The following PRKN variants were observed in gnomAD, a reference collection of about 807,000 sequenced individuals.
PRKN encodes E3 ubiquitin-protein ligase parkin.
In PRKN, 56 loss-of-function variants were observed where a neutral mutation model predicts 59.5. That is an observed-to-expected ratio of 0.94 (90% CI 0.76 to 1.18). PRKN has a LOEUF of 1.18. Ranked by LOEUF, PRKN falls within the 50% of genes most tolerant of loss-of-function variation. PRKN has a pLI of 0.00. For synonymous variants in PRKN, 250 were observed against 222.1 expected (o/e 1.13, Z -1.12); for missense variants, 657 against 596.4 (o/e 1.10, Z -1.06).
chr6:162,212,627 A>C (rs1166373618), intron 3 of PRKN, among the ~76,000 whole-genome samples: 1 of 152,210 alleles, frequency 6.6e-6, no homozygotes. Flanking sequence ...AAATCTAAAC[A>C]TGCTTATATA....
At chr6:162,349,155 A>G (rs1377123484) in intron 2 of PRKN, among the ~76,000 whole-genome samples, 2 of 152,184 alleles carry the variant, frequency 1.3e-5, no homozygotes, top group African/African-American at 4.8e-5. Context: ...AATCTACACA[A>G]ACTTTAGCAG....
intron 9 of PRKN, among the ~76,000 whole-genome samples, chr6:161,412,243 C>T (rs972491799): frequency 2.0e-5 from 3 of 150,226 alleles, no homozygotes; most frequent in African/African-American, 7.4e-5. Flanking sequence ...CTCATTCCTC[C>T]ACTCACTCAT....
chr6:161,820,552 TA>T (rs538459469), intron 6 of PRKN, among the ~76,000 whole-genome samples: 10 of 147,398 alleles, frequency 6.8e-5, no homozygotes, highest in South Asian at 2.1e-4. Flanking sequence ...ATTTACTTTA[TA>T]AAAAATTACA....
intron 4 of PRKN, among the ~76,000 whole-genome samples, chr6:162,074,530 G>T (rs912996993): frequency 6.6e-6 from 1 of 151,762 alleles, no homozygotes; most frequent in Non-Finnish European, 1.5e-5. Context: ...CCTAATGCTA[G>T]ATGACGAGTT....
chr6:161,680,744 TATATATATATATATATATATA>T (rs1353349438), intron 7 of PRKN, among the ~76,000 whole-genome samples: 90 of 8,258 alleles, frequency 0.011, 5 homozygotes, highest in African/African-American at 0.028. Flanking sequence ...TATATATATA[TATATATATATATATATATATA>T]TATATATATA....
rs560712066 is a variant in PRKN at position 161,396,775 on chromosome 6, A to G, written c.1084-9898T>C. Among the ~76,000 whole-genome samples, 63 of 152,294 alleles carry G rather than the reference A, an allele frequency of 4.1e-4. No homozygotes were observed. Among genetic ancestry groups the G allele is most frequent in the African/African-American group, 1.4e-3 (59 of 41,556 alleles). On this transcript the variant is annotated intron_variant, in intron 9 of 11. Coordinates refer to ENST00000366898, the MANE Select transcript of PRKN (RefSeq NM_004562.3). This position sits in a 1 kb window ranked among gnomAD's most constrained non-coding sequence, Gnocchi z 5.4. The stretch of plus-strand genomic sequence containing the variant: ...TGTGGGTATCCTTATGCTCTCTAGC[A>G]CAGCAGGGGAGGCGAAATGCTTTCC...
At chr6:162,548,203 G>A (rs1779194506) in intron 1 of PRKN, among the ~76,000 whole-genome samples, 1 of 152,042 alleles carries the variant, frequency 6.6e-6, no homozygotes, top group Non-Finnish European at 1.5e-5. Flanking sequence ...AGGACTACAG[G>A]TGCACGCCAC....
intron 8 of PRKN, among the ~76,000 whole-genome samples, chr6:161,567,035 T>TGTGTG (rs1450596371): frequency 1.1e-3 from 116 of 108,072 alleles, no homozygotes; most frequent in African/African-American, 3.7e-3. Flanking sequence ...TTTTTTTTTT[T>TGTGTG]TTTGTGTGTG....
In PRKN at chr6:162,709,238, C is replaced by T. The variant is rs79829300; in HGVS notation, c.7+18424G>A. Among the ~76,000 whole-genome samples the T allele has an allele frequency of 9.1e-3, 1,379 of 152,126 alleles. 4 individuals carry two copies. Among genetic ancestry groups the T allele is most frequent in the Non-Finnish European group, 0.015 (1,022 of 67,992 alleles). ...GTAATAAAGGGCACAATAAAGGTAA[C>T]GCACTTGAATTACACTTGAAACCAC... On this transcript the variant is annotated intron_variant, in intron 1 of 11. Coordinates refer to ENST00000366898, the MANE Select transcript of PRKN (RefSeq NM_004562.3).
chr6:161,866,734 T>C (rs1477092732), intron 6 of PRKN, among the ~76,000 whole-genome samples: 1 of 152,184 alleles, frequency 6.6e-6, no homozygotes, highest in African/African-American at 2.4e-5. Flanking sequence ...TGCGATACGA[T>C]AGACGGCAAT....
intron 2 of PRKN, among the ~76,000 whole-genome samples, chr6:162,324,167 T>C (rs1783163920): frequency 6.6e-6 from 1 of 152,072 alleles, no homozygotes; most frequent in African/African-American, 2.4e-5. Context: ...TTATGTTTAA[T>C]AAAACAGGCC....
intron 1 of PRKN, among the ~76,000 whole-genome samples, chr6:162,560,864 A>AAAAC (rs10636480): frequency 2.7e-5 from 4 of 150,924 alleles, no homozygotes; most frequent in Admixed American, 6.6e-5. Context: ...AAAAAAAAAA[A>AAAAC]AAACCCAGGT....
Position 162,571,444 on chromosome 6 carries a change from T to C in PRKN, c.8-127971A>G, listed in dbSNP as rs554357696. 3 of 152,030 alleles carry C rather than the reference T, an allele frequency of 2.0e-5. No individual in the cohort carries two copies. The East Asian group carries it at 5.8e-4, about 29-fold the overall frequency. The allele number at this position is 152,030 out of a possible 1,614,324, so 9.4% of individuals were successfully genotyped here. On this transcript the variant is annotated intron_variant, in intron 1 of 11. Transcript: ENST00000366898. ...AAAAGATAATCTAGTGAAAAGATGA[T>C]TCAGGACTGATCAGAGGCAATAGTT...
chr6:162,283,324 G>A (rs1781006850), intron 2 of PRKN, among the ~76,000 whole-genome samples: 1 of 152,180 alleles, frequency 6.6e-6, no homozygotes, highest in African/African-American at 2.4e-5. Context: ...TTTTTGGAAT[G>A]GCAGAGATGC....
chr6:162,269,118 G>C (rs763603904), intron 2 of PRKN, among the ~76,000 whole-genome samples: 1 of 152,116 alleles, frequency 6.6e-6, no homozygotes, highest in Admixed American at 6.6e-5. Context: ...CGCAGACTCC[G>C]GATGCTGGTG....
chr6:161,966,008 T>C (rs774334807), intron 6 of PRKN, among the ~76,000 whole-genome samples: 13 of 152,184 alleles, frequency 8.5e-5, no homozygotes, highest in Non-Finnish European at 1.6e-4. Context: ...GTTATCTAGA[T>C]AGAAAAATAT....
Position 161,578,088 on chromosome 6 carries a change from A to G in PRKN, c.872-8672T>C, listed in dbSNP as rs1781202611. On this transcript the variant is annotated intron_variant, in intron 7 of 11. Transcript: ENST00000366898. This position sits in a 1 kb window ranked among gnomAD's most constrained non-coding sequence, Gnocchi z 4.2. ...GAAATAAGACGCACACCAACAAACC[A>G]AGTAGATGTAGAAAGAGCCAAGTGA... Among the ~76,000 whole-genome samples, 1 of 152,076 alleles carries G rather than the reference A, an allele frequency of 6.6e-6. No homozygotes were observed. The highest frequency in any genetic ancestry group is 2.1e-4 in the South Asian group (1 of 4,816).
chr6:162,189,031 G>A (rs1218660894), intron 4 of PRKN, among the ~76,000 whole-genome samples: 3 of 151,432 alleles, frequency 2.0e-5, no homozygotes, highest in African/African-American at 7.3e-5. Context: ...CTATAGGAGG[G>A]AATTGAGATT....
chr6:161,506,196 T>C (rs1778163339), intron 9 of PRKN, among the ~76,000 whole-genome samples: 1 of 152,008 alleles, frequency 6.6e-6, no homozygotes, highest in Admixed American at 6.5e-5. Flanking sequence ...TCCTCTTTAA[T>C]TTCATTGAGC....
Sources: gnomAD v4.1 joint callset for allele counts (sites outside exome capture counted in the v4.1 genomes callset) on GRCh38, gnomAD v4.1.1 for gene constraint, Gnocchi (gnomAD v3.1) non-coding constraint, MANE v1.5 for transcripts, NCBI Gene and HGNC (gene_info 2026-07-23, HGNC 2026-07-21) for gene names.